MGA: variants seen among roughly 807,000 people sequenced by gnomAD.
MGA encodes MAX gene-associated protein.
A neutral mutation model predicts 261.1 loss-of-function variants in MGA; 40 were observed. That is an observed-to-expected ratio of 0.15 (90% confidence interval 0.12 to 0.20). MGA has a LOEUF of 0.20. Ranked by LOEUF, MGA falls within the 10% of genes least tolerant of loss-of-function variation. The pLI, the probability that MGA is intolerant of heterozygous loss-of-function variation, is 1.00. For missense variants in MGA, 3,397 were observed against 3,630.5 expected (o/e 0.94, Z 1.65); for synonymous variants, 1,302 against 1,290.6 (o/e 1.01, Z -0.19).
rs2059376547 is a variant in MGA, at chr15:41,693,138, C to T, written c.1065-2937C>T. Among the ~76,000 whole-genome samples the T allele has an allele frequency of 2.0e-5, 3 of 152,112 alleles. No homozygotes were observed. In the South Asian group the frequency reaches 6.2e-4, roughly 32 times the overall value. ...TACAGGCACGAGCCACCACACCCGG[C>T]TTCTATTGGAGGATTTTCTTTTTTT... On this transcript the variant is annotated intron_variant, in intron 2 of 23. Coordinates refer to ENST00000219905, the MANE Select transcript of MGA (RefSeq NM_001164273.2).
At chr15:41,628,936 G>A (rs1043751043) in intron 1 of MGA, among the ~76,000 whole-genome samples, 20 of 152,120 alleles carry the variant, frequency 1.3e-4, no homozygotes, top group Non-Finnish European at 2.5e-4. Context: ...TCAGGAGATC[G>A]AGACCATCCT....
chr15:41,726,672 T>C (rs1201689755), intron 9 of MGA, among the ~76,000 whole-genome samples: 1 of 151,376 alleles, frequency 6.6e-6, no homozygotes, highest in Non-Finnish European at 1.5e-5. Flanking sequence ...GAGGTTGCCA[T>C]GAGCCAAGAT....
rs182868104 is a variant in MGA at position 41,736,131 on chromosome 15, T to G, written c.3917-50T>G. 65 of 1,386,658 alleles carry G rather than the reference T, an allele frequency of 4.7e-5. 1 individual carries two copies. The African/African-American group carries it at 5.5e-4, about 12-fold the overall frequency. The allele number at this position is 1,386,658 out of a possible 1,614,324, so 85.9% of individuals were successfully genotyped here. A position where few individuals can be genotyped will look rare whatever the true frequency, so the allele number is the denominator to read the frequency against. On this transcript the variant is annotated intron_variant, in intron 12 of 23. Coordinates refer to ENST00000219905, the MANE Select transcript of MGA (RefSeq NM_001164273.2). ...CAGAGTTTCATACAAAATGCTGTGA[T>G]GCAGAAATAATCTTTCAACTTTTTC...
intron 15 of MGA, among the ~76,000 whole-genome samples, chr15:41,745,614 A>G (rs952884566): frequency 1.3e-5 from 2 of 152,032 alleles, no homozygotes; most frequent in African/African-American, 4.8e-5. Flanking sequence ...ATCTATATAT[A>G]GAGAGAGACA....
intron 9 of MGA, among the ~76,000 whole-genome samples, chr15:41,720,315 C>T (rs560197796): frequency 1.6e-4 from 24 of 152,078 alleles, no homozygotes; most frequent in Non-Finnish European, 2.9e-4. Context: ...GCAGGAGGAT[C>T]GCTTGAGCCC....
Position 41,765,044 on chromosome 15 carries a change from A to G in MGA, c.7903A>G (p.Ser2635Gly). ...TGATCTTAAGCCTCAAGTTGCCGGT[A>G]GTGCTGTGGCTCTACCAGGTATGTT... The change falls in exon 23 of 24, where the codon AGT becomes GGT. Residue 2635 changes from serine (S) to glycine (G), a missense_variant. Ser to Gly is a moderately conservative substitution (Grantham distance 56). This residue lies in a region of MGA where 647 missense variants were observed against 642.4 expected (regional missense o/e 1.01). Transcript: ENST00000219905. The G allele has an allele frequency of 6.2e-7, 1 of 1,614,016 alleles. No homozygotes were observed. The highest frequency in any genetic ancestry group is 8.5e-7 in the Non-Finnish European group (1 of 1,179,884).
chr15:41,689,686 C>T (rs1419479684), intron 2 of MGA, among the ~76,000 whole-genome samples: 1 of 151,816 alleles, frequency 6.6e-6, no homozygotes, highest in East Asian at 1.9e-4. Context: ...CTGCTTTAGC[C>T]TCCTGAGTAG....
chr15:41,646,414 C>T lies in MGA; in HGVS notation c.-67-22414C>T, dbSNP rs983010227. Among the ~76,000 whole-genome samples, 8 of 151,468 alleles carry T rather than the reference C, an allele frequency of 5.3e-5. No homozygotes were observed. The South Asian group carries it at 8.4e-4, about 16-fold the overall frequency. ...AGGCTGGAGTGCAATGGCATGATCT[C>T]GGCTCACTGCAATCTCTGCCTCCCG... On this transcript the variant is annotated intron_variant, in intron 1 of 8. Coordinates refer to the MGA transcript ENST00000566718.
At chr15:41,728,902 A>G (rs962441771) in intron 10 of MGA, among the ~76,000 whole-genome samples, 11 of 152,246 alleles carry the variant, frequency 7.2e-5, no homozygotes, top group African/African-American at 2.7e-4. Flanking sequence ...TGGACTGGTA[A>G]TTAACAATGT....
At chr15:41,660,254 G>C (rs2057306937), upstream of MGA, among the ~76,000 whole-genome samples, 1 of 152,174 alleles carries the variant, frequency 6.6e-6, no homozygotes, top group Non-Finnish European at 1.5e-5. Flanking sequence ...GCTTCCACTC[G>C]GGGGGCGGGT....
intron 7 of MGA, 149 bp downstream of exon 7, chr15:41,708,357 G>A (rs2060219585): frequency 1.5e-6 from 1 of 648,380 alleles, no homozygotes. Flanking sequence ...TGCTCTTGTT[G>A]CCCAGGCTGG....
At chr15:41,718,264 T>G (rs2060744759) in intron 9 of MGA, 1 of 218,996 alleles carries the variant, frequency 4.6e-6, no homozygotes, top group Non-Finnish European at 8.9e-6. Flanking sequence ...GATAGATATC[T>G]TGATATATGT....
intron 2 of MGA, among the ~76,000 whole-genome samples, chr15:41,691,901 C>CT (rs564632269): frequency 1.4e-3 from 208 of 147,492 alleles, no homozygotes; most frequent in South Asian, 0.012. Context: ...CTAGATATGA[C>CT]TTTTTTTTTT....
intron 1 of MGA, among the ~76,000 whole-genome samples, chr15:41,661,761 A>T (rs1286475697): frequency 1.3e-5 from 2 of 152,108 alleles, no homozygotes; most frequent in African/African-American, 4.8e-5. Flanking sequence ...TTTGGGCACG[A>T]TGCCGCGGCT....
chr15:41,659,179 A>G (rs566407676), upstream of MGA, among the ~76,000 whole-genome samples: 14 of 152,360 alleles, frequency 9.2e-5, no homozygotes, highest in South Asian at 2.7e-3. Flanking sequence ...AAAGTAGCCT[A>G]CACGTTTTCT....
chr15:41,683,380 C>T (rs941103450), intron 2 of MGA, among the ~76,000 whole-genome samples: 1 of 151,990 alleles, frequency 6.6e-6, no homozygotes, highest in Admixed American at 6.6e-5. Flanking sequence ...GTGTGCACCA[C>T]CACACCTGGC....
chr15:41,681,343 G>T (rs1478046775), intron 2 of MGA, among the ~76,000 whole-genome samples: 1 of 148,766 alleles, frequency 6.7e-6, no homozygotes, highest in Non-Finnish European at 1.5e-5. Flanking sequence ...TTATTTTCTA[G>T]TACAATATAT....
chr15:41,678,300 A>G (rs1199588538), intron 2 of MGA, among the ~76,000 whole-genome samples: 1 of 151,636 alleles, frequency 6.6e-6, no homozygotes, highest in Non-Finnish European at 1.5e-5. Flanking sequence ...TGTGTTGGCT[A>G]GGCTGGTGTC....
At chr15:41,762,507 G>A (rs1446180770) in intron 22 of MGA, 145 bp downstream of exon 22, 6 of 570,462 alleles carry the variant, frequency 1.1e-5, no homozygotes, top group South Asian at 6.8e-5. Flanking sequence ...CAGCTCTGTC[G>A]CCCAGGCTGC....
Sources: allele counts gnomAD v4.1 joint callset (sites outside exome capture counted in the v4.1 genomes callset), GRCh38; gene constraint gnomAD v4.1.1; regional missense constraint gnomAD v4.1.1; transcripts MANE v1.5; gene names NCBI Gene and HGNC (gene_info 2026-07-23, HGNC 2026-07-21).